Variants in SYNE1 observed in about 807,000 individuals in gnomAD.
SYNE1 encodes the protein spectrin repeat containing nuclear envelope protein 1, also known as nesprin-1.
Under a neutral mutation model 1,111.0 loss-of-function variants are expected in SYNE1, and 616 were observed. That is an observed-to-expected ratio of 0.55 (90% CI 0.52 to 0.59). The LOEUF is 0.59. Among genes scored for constraint, SYNE1 ranks in the 20% least tolerant of loss-of-function variants. SYNE1 has a pLI of 0.00. For missense variants in SYNE1, 10,006 were observed against 10,417.0 expected (o/e 0.96, Z 1.72); for synonymous variants, 3,855 against 3,825.8 (o/e 1.01, Z -0.28).
At chr6:152,275,601 C>T (rs1352376937) in intron 98 of SYNE1, among the ~76,000 whole-genome samples, 8 of 151,900 alleles carry the variant, frequency 5.3e-5, no homozygotes, top group South Asian at 2.1e-4. Context: ...TTAGACTGGC[C>T]GGGCATGGTA....
chr6:152,327,661 C>T (rs1001467496), intron 78 of SYNE1, among the ~76,000 whole-genome samples: 16 of 152,146 alleles, frequency 1.1e-4, no homozygotes, highest in African/African-American at 3.6e-4. Context: ...GCCCCAGGAA[C>T]CATGACCTTT....
intron 69 of SYNE1, among the ~76,000 whole-genome samples, chr6:152,352,752 C>A (rs2096764729): frequency 6.6e-6 from 1 of 152,132 alleles, no homozygotes; most frequent in Non-Finnish European, 1.5e-5. Flanking sequence ...TTTTTAAGTC[C>A]ACCTATTTCC....
Position 152,269,220 on chromosome 6 carries a change from C to T in SYNE1, c.18640G>A (p.Glu6214Lys). ...GTGGTGCGAGCTTGGGCCAGCCATT[C>T]CTGGACGCCGGGGCTCTGCGTGGCT... ...LTATQSPGVQ[E>K]WLAQARTTWT... is the part of the protein sequence containing the mutation. Residue 6214 changes from glutamate (E) to lysine (K), a missense_variant, in exon 99 of 146, where the codon GAA becomes AAA. Coordinates refer to ENST00000367255, the MANE Select transcript of SYNE1 (RefSeq NM_182961.4). The T allele has an allele frequency of 6.2e-7, 1 of 1,614,184 alleles. No individual in the cohort carries two copies. Among genetic ancestry groups the T allele is most frequent in the Non-Finnish European group, 8.5e-7 (1 of 1,180,034 alleles).
chr6:152,420,235 T>G (rs1389738642), intron 39 of SYNE1, among the ~76,000 whole-genome samples: 1 of 152,218 alleles, frequency 6.6e-6, no homozygotes, highest in African/African-American at 2.4e-5. Context: ...AAATTTGCTT[T>G]TTCTTTAAGG....
In SYNE1 at chr6:152,450,675, G is replaced by A. The variant is rs1348067747; in HGVS notation, c.3345C>T (p.Thr1115=). 2 of 1,614,022 alleles carry A rather than the reference G, an allele frequency of 1.2e-6. No homozygotes were observed. The highest frequency in any genetic ancestry group is 2.2e-5 in the East Asian group (1 of 44,886). Residue 1115 remains threonine, a synonymous_variant, in exon 27 of 146, where the codon ACC becomes ACT. Coordinates refer to ENST00000367255, the MANE Select transcript of SYNE1 (RefSeq NM_182961.4). ...LKELRAAIDS[T]YRKLMEDPDK... ...CTGGGTCTTCCATGAGCTTCCTGTA[G>A]GTGCTGTCAATGGCAGCTCTGAGCT... is the stretch of plus-strand genomic sequence containing the variant.
In SYNE1 at chr6:152,137,883, G is replaced by T. The variant is rs539268314; in HGVS notation, c.25459-1065C>A. ...AAAATACAGACAGGAAGCATCAGGAGAAAGTACAAAGGAGGATGTCTTTTT... is the reference window on the plus strand; with the variant it reads ...AAAATACAGACAGGAAGCATCAGGATAAAGTACAAAGGAGGATGTCTTTTT... On this transcript the variant is annotated intron_variant, in intron 140 of 145. Coordinates refer to ENST00000367255, the MANE Select transcript of SYNE1 (RefSeq NM_182961.4). Among the ~76,000 whole-genome samples, 10 of 152,290 alleles carry T rather than the reference G, an allele frequency of 6.6e-5. No homozygotes were observed. In the South Asian group the frequency reaches 1.9e-3, roughly 28 times the overall value.
intron 32 of SYNE1, among the ~76,000 whole-genome samples, chr6:152,439,443 T>C (rs2098507385): frequency 6.6e-6 from 1 of 152,188 alleles, no homozygotes; most frequent in African/African-American, 2.4e-5. Context: ...TTGACCAGGC[T>C]GGTCTCAACT....
intron 121 of SYNE1, among the ~76,000 whole-genome samples, chr6:152,216,933 C>T (rs865958696): frequency 6.6e-6 from 1 of 151,860 alleles, no homozygotes; most frequent in African/African-American, 2.4e-5. Flanking sequence ...CATGGTGGCA[C>T]ATGCCTGTAG....
chr6:152,462,881 C>T lies in SYNE1; in HGVS notation c.2107G>A (p.Ala703Thr), dbSNP rs2098742504. 3.1e-6 allele frequency: 5 copies of T among 1,613,858 alleles called. No homozygotes were observed. Among genetic ancestry groups the T allele is most frequent in the Non-Finnish European group, 2.5e-6 (3 of 1,179,878 alleles). ...TTCTTCATTCTGTCCATCTCATCAGCTTGAGCATACTGTTAAGGAAAGGGA... is the reference window on the plus strand; with the variant it reads ...TTCTTCATTCTGTCCATCTCATCAGTTTGAGCATACTGTTAAGGAAAGGGA... ...LFMEVKQYAQ[A>T]DEMDRMKKEY... Residue 703 changes from alanine to threonine, a missense_variant, in exon 20 of 146, where the codon GCT (alanine) becomes ACT (threonine). Coordinates refer to ENST00000367255, the MANE Select transcript of SYNE1 (RefSeq NM_182961.4).
chr6:152,557,427 A>G (rs1038654142), intron 3 of SYNE1, among the ~76,000 whole-genome samples: 6 of 152,290 alleles, frequency 3.9e-5, no homozygotes, highest in African/African-American at 1.4e-4. Flanking sequence ...AAAACTTCCC[A>G]AATCTAGACT....
chr6:152,408,151 C>G (rs1218444496), intron 44 of SYNE1, among the ~76,000 whole-genome samples: 3 of 152,150 alleles, frequency 2.0e-5, no homozygotes, highest in African/African-American at 7.2e-5. Flanking sequence ...CAAAGTCTAA[C>G]TGGTAAATTT....
rs532284303 is a variant in SYNE1 at position 152,331,758 on chromosome 6, A to C, written c.12927T>G (p.Asp4309Glu). Residue 4309 changes from aspartate to glutamate, a missense_variant, in exon 78 of 146, where the codon GAT becomes GAG. Around this residue, in one of 7 missense-constraint regions of SYNE1, gnomAD observed 4,955 missense variants for 5,017.2 expected, o/e 0.99. Transcript: ENST00000367255. Reference sequence around the variant, plus strand: ...TCTGTTCTTTGACTAACTCCTTGTCATCTAAATTCAGATGCTCTATCATTT... The same window carrying C: ...TCTGTTCTTTGACTAACTCCTTGTCCTCTAAATTCAGATGCTCTATCATTT... Reference protein sequence around the residue: ...KQKMIEHLNLDDKELVKEQTS... With the variant: ...KQKMIEHLNLEDKELVKEQTS... 1 of 1,614,094 alleles carries C rather than the reference A, an allele frequency of 6.2e-7. No homozygotes were observed. Among genetic ancestry groups the C allele is most frequent in the African/African-American group, 1.3e-5 (1 of 74,930 alleles).
chr6:152,615,514 T>C (rs762527348), intron 3 of SYNE1, among the ~76,000 whole-genome samples: 58 of 152,118 alleles, frequency 3.8e-4, no homozygotes, highest in Non-Finnish European at 6.2e-4. Context: ...CTTTGATTAT[T>C]ATTATGGTGC....
At chr6:152,624,164 A>G (rs2099681471) in intron 3 of SYNE1, among the ~76,000 whole-genome samples, 1 of 152,096 alleles carries the variant, frequency 6.6e-6, no homozygotes, top group African/African-American at 2.4e-5. Context: ...TTGTCCTTGC[A>G]GTGAATAATC....
Position 152,326,549 on chromosome 6 carries a change from C to T in SYNE1, c.15040G>A (p.Glu5014Lys). Residue 5014 changes from glutamate (E) to lysine (K), a missense_variant, in exon 79 of 146, where the codon GAA (glutamate) becomes AAA (lysine). By Grantham distance (56) the Glu-to-Lys change is moderately conservative. Transcript: ENST00000367255. ...AANDWLEDAQ[E>K]LLQLAGNGLD... is the part of the protein sequence containing the mutation. ...CCATTGCCTGCCAGCTGTAACAATT[C>T]TTGGGCATCCTCAAGCCAGTCATTG... 6.2e-7 allele frequency: 1 copy of T among 1,614,218 alleles called. No homozygotes were observed. Among genetic ancestry groups the T allele is most frequent in the Non-Finnish European group, 8.5e-7 (1 of 1,180,034 alleles).
chr6:152,143,592 AG>A, intron 138 of SYNE1, 30 bp downstream of exon 138: 1 of 1,614,080 alleles, frequency 6.2e-7, no homozygotes, highest in Non-Finnish European at 8.5e-7. Context: ...GGTTTCGCAC[AG>A]GTCGGAATCA....
intron 101 of SYNE1, among the ~76,000 whole-genome samples, chr6:152,257,841 A>G (rs2091193994): frequency 6.6e-6 from 1 of 152,214 alleles, no homozygotes; most frequent in African/African-American, 2.4e-5. Flanking sequence ...AGCATAAAAT[A>G]CATCTAAATC....
At chr6:152,453,754 G>C in intron 24 of SYNE1, 34 bp from the exon 25 acceptor site, 1 of 1,613,954 alleles carries the variant, frequency 6.2e-7, no homozygotes, top group Non-Finnish European at 8.5e-7. Context: ...TAAGAGTGTT[G>C]GACAGACGAA....
intron 127 of SYNE1, among the ~76,000 whole-genome samples, chr6:152,191,667 T>C (rs1202032025): frequency 2.0e-5 from 3 of 152,126 alleles, no homozygotes; most frequent in South Asian, 4.1e-4. Context: ...GTCTGGCTAA[T>C]GGTTTGTCAA....
Sources: gnomAD v4.1 joint callset for allele counts (sites outside exome capture counted in the v4.1 genomes callset) on GRCh38, gnomAD v4.1.1 for gene constraint, gnomAD v4.1.1 regional missense constraint, MANE v1.5 for transcripts, NCBI Gene and HGNC (gene_info 2026-07-23, HGNC 2026-07-21) for gene names.